MANEA: variants seen among roughly 807,000 people sequenced by gnomAD.
MANEA encodes mannosidase endo-alpha.
Under a neutral mutation model 36.8 loss-of-function variants are expected in MANEA, and 25 were observed. The observed-to-expected ratio is 0.68, with a 90% CI of 0.50 to 0.95. MANEA has a LOEUF of 0.95. Among genes scored for constraint, MANEA ranks in the 40% least tolerant of loss-of-function variants. The pLI, the probability that MANEA is intolerant of heterozygous loss-of-function variation, is 0.00. For missense variants in MANEA, 565 were observed against 558.8 expected (o/e 1.01, Z -0.11); for synonymous variants, 198 against 188.5 (o/e 1.05, Z -0.41).
At position 95,593,580 on chromosome 6, in the gene MANEA, G is replaced by A. The variant is rs539417270; in HGVS notation, c.545-3157G>A. Reference sequence around the variant, plus strand: ...TAAAACAGTAGATACATAGTCATATGTGGCTATTGAACACTTGAAACGTAG... The same window carrying A: ...TAAAACAGTAGATACATAGTCATATATGGCTATTGAACACTTGAAACGTAG... On this transcript the variant is annotated intron_variant, in intron 2 of 4. Coordinates refer to ENST00000358812, the MANE Select transcript of MANEA (RefSeq NM_024641.4). 3.6e-4 allele frequency among the ~76,000 whole-genome samples: 55 copies of A among 152,324 alleles called. No individual in the cohort carries two copies. The South Asian group carries it at 0.01, about 28-fold the overall frequency.
rs1177647370 is a variant in MANEA, at chr6:95,609,187, A to G, written c.*2782A>G. 6.6e-6 allele frequency: 1 copy of G among 151,732 alleles called. No individual in the cohort carries two copies. Among genetic ancestry groups the G allele is most frequent in the African/African-American group, 2.4e-5 (1 of 41,394 alleles). 9.4% of individuals were successfully genotyped at this position (151,732 alleles called of 1,614,324 possible). Reference sequence around the variant, plus strand: ...TCAATATGGTATAACTTAAAGTGGTATAATACATACAATGCATGAATCATA... The same window carrying G: ...TCAATATGGTATAACTTAAAGTGGTGTAATACATACAATGCATGAATCATA... On this transcript the variant is annotated 3_prime_UTR_variant, in exon 5 of 5. Transcript: ENST00000358812.
intron 3 of MANEA, among the ~76,000 whole-genome samples, chr6:95,602,604 TAAG>T (rs1483387272): frequency 3.9e-5 from 6 of 152,328 alleles, no homozygotes; most frequent in East Asian, 3.9e-4. Flanking sequence ...TCTTTAAAGA[TAAG>T]AAAGACATTT....
chr6:95,586,968 C>T lies in MANEA; in HGVS notation c.529C>T (p.Arg177Cys), dbSNP rs62619206. 0.046 allele frequency: 74,061 copies of T among 1,597,102 alleles called. 1,995 individuals are homozygous for T. Among genetic ancestry groups the T allele is most frequent in the African/African-American group, 0.067 (4,998 of 74,144 alleles). Residue 177 changes from arginine to cysteine, a missense_variant, in exon 2 of 5, where the codon CGC (arginine) becomes TGC (cysteine). Physicochemically the swap from Arg to Cys is radical, Grantham distance 180. Coordinates refer to ENST00000358812, the MANE Select transcript of MANEA (RefSeq NM_024641.4). ...CATAGAAACTCACATGAGACAAATGCGCTCAGCTTCAATTGGTAATTATTG... is the reference window on the plus strand; with the variant it reads ...CATAGAAACTCACATGAGACAAATGTGCTCAGCTTCAATTGGTAATTATTG... ...SVIETHMRQM[R>C]SASIGVLALS...
chr6:95,600,447 A>G (rs1358688534), intron 3 of MANEA, among the ~76,000 whole-genome samples: 1 of 152,190 alleles, frequency 6.6e-6, no homozygotes, highest in African/African-American at 2.4e-5. Context: ...TGAAACCATA[A>G]GATAGTTTTA....
At chr6:95,581,104 G>A (rs1462325247) in intron 1 of MANEA, among the ~76,000 whole-genome samples, 1 of 152,154 alleles carries the variant, frequency 6.6e-6, no homozygotes, top group East Asian at 1.9e-4. Context: ...AACTCAGAAA[G>A]ATCAGGTCAG....
intron 3 of MANEA, among the ~76,000 whole-genome samples, chr6:95,598,957 A>G (rs1173935128): frequency 2.0e-5 from 3 of 152,172 alleles, no homozygotes; most frequent in South Asian, 2.1e-4. Flanking sequence ...ACCACCTTGT[A>G]GCTTTATAAA....
At position 95,606,614 on chromosome 6, in the gene MANEA, A is replaced by G. The variant is rs181498694; in HGVS notation, c.*209A>G. On this transcript the variant is annotated 3_prime_UTR_variant, in exon 5 of 5. Transcript: ENST00000358812. ...TATCTGAGACAAAATGTATACAAAT[A>G]TATTCCTTATGGCATAATTTATTGC... The G allele has an allele frequency of 2.6e-4, 74 of 284,080 alleles. No individual in the cohort carries two copies. Among genetic ancestry groups the G allele is most frequent in the African/African-American group, 1.5e-3 (68 of 45,762 alleles). 17.6% of individuals were successfully genotyped at this position (284,080 alleles called of 1,614,324 possible). A position where few individuals can be genotyped will look rare whatever the true frequency, so the allele number is the denominator to read the frequency against.
At chr6:95,593,072 A>G (rs1769413284) in intron 2 of MANEA, among the ~76,000 whole-genome samples, 2 of 152,194 alleles carry the variant, frequency 1.3e-5, no homozygotes, top group Non-Finnish European at 1.5e-5. Flanking sequence ...GAGTTTGCTA[A>G]GCAATTAGGA....
intron 3 of MANEA, among the ~76,000 whole-genome samples, chr6:95,598,114 A>G (rs1769514560): frequency 6.6e-6 from 1 of 152,168 alleles, no homozygotes; most frequent in South Asian, 2.1e-4. Context: ...CGTATAAAAG[A>G]TAATTGAACA....
At chr6:95,603,553 T>A (rs4467786) in intron 3 of MANEA, among the ~76,000 whole-genome samples, 66,248 of 151,738 alleles carry the variant, frequency 0.44, 14,782 homozygotes, top group Middle Eastern at 0.57. Flanking sequence ...ATATTTTTTT[T>A]AAATATTATT....
At chr6:95,595,732 A>G (rs2127942565) in intron 2 of MANEA, among the ~76,000 whole-genome samples, 1 of 152,254 alleles carries the variant, frequency 6.6e-6, no homozygotes, top group South Asian at 2.1e-4. Context: ...GAATTAATTC[A>G]TCTTAAATAT....
In MANEA at chr6:95,596,741, A is replaced by G. The variant is rs200130177; in HGVS notation, c.549A>G (p.Val183=). 1 of 1,559,460 alleles carries G rather than the reference A, an allele frequency of 6.4e-7. No homozygotes were observed. The highest frequency in any genetic ancestry group is 2.2e-5 in the East Asian group (1 of 44,448). ...MRQMRSASIG[V]LALSWYPPDV... is the part of the protein sequence containing the mutation. ...CTTTTTGGTCTTTTCTATTAGGTGTACTAGCCCTCTCTTGGTACCCACCTG... is the reference window on the plus strand; with the variant it reads ...CTTTTTGGTCTTTTCTATTAGGTGTGCTAGCCCTCTCTTGGTACCCACCTG... Residue 183 remains valine (V), a synonymous_variant, in exon 3 of 5, where the codon GTA becomes GTG. Transcript: ENST00000358812.
At position 95,607,372 on chromosome 6, in the gene MANEA, A is replaced by T. The variant is rs1429883163; in HGVS notation, c.*967A>T. 1.3e-5 allele frequency: 2 copies of T among 152,184 alleles called. No individual in the cohort carries two copies. The highest frequency in any genetic ancestry group is 3.9e-4 in the East Asian group (2 of 5,186). The allele number at this position is 152,184 out of a possible 1,614,324, so 9.4% of individuals were successfully genotyped here. ...ATATTTTTTAGGAAAGAAAAATGTT[A>T]TTACTGTCATTAGGTTGTCTTTTAA... On this transcript the variant is annotated 3_prime_UTR_variant, in exon 5 of 5. Coordinates refer to ENST00000358812, the MANE Select transcript of MANEA (RefSeq NM_024641.4).
At chr6:95,595,807 A>T (rs1183632313) in intron 2 of MANEA, among the ~76,000 whole-genome samples, 1 of 152,128 alleles carries the variant, frequency 6.6e-6, no homozygotes, top group African/African-American at 2.4e-5. Context: ...CAGTTCAAAA[A>T]TAAGTAGGCA....
chr6:95,605,962 G>A lies in MANEA; in HGVS notation c.946G>A (p.Gly316Ser). 1.2e-6 allele frequency: 2 copies of A among 1,613,758 alleles called. No individual in the cohort carries two copies. Among genetic ancestry groups the A allele is most frequent in the Non-Finnish European group, 8.5e-7 (1 of 1,179,864 alleles). ...EKHKYDILQSGFDGIYTYFAT... is the reference protein window; with the variant it reads ...EKHKYDILQSSFDGIYTYFAT... ...ACATAAGTATGATATTCTTCAAAGT[G>A]GTTTTGATGGAATTTACACATATTT... is the stretch of plus-strand genomic sequence containing the variant. Residue 316 changes from glycine to serine, a missense_variant, in exon 5 of 5, where the codon GGT becomes AGT. Coordinates refer to ENST00000358812, the MANE Select transcript of MANEA (RefSeq NM_024641.4).
rs1326746076 is a variant in MANEA at position 95,586,792 on chromosome 6, GTAAA to G, written c.356_359del (p.Lys119IlefsTer9). 2.5e-6 allele frequency: 4 copies of G among 1,613,794 alleles called. No homozygotes were observed. Among genetic ancestry groups the G allele is most frequent in the Non-Finnish European group, 3.4e-6 (4 of 1,179,804 alleles). On this transcript the variant is annotated frameshift_variant, in exon 2 of 5. Coordinates refer to ENST00000358812, the MANE Select transcript of MANEA (RefSeq NM_024641.4). LOFTEE classifies it high-confidence loss of function. ...TGGTATGGAAATCCACAATTTGATG[GTAAA>G]TATATACATTGGAATCATCCAGTGT... is the stretch of plus-strand genomic sequence containing the variant.
intron 2 of MANEA, chr6:95,588,307 A>T (rs947605994): frequency 4.6e-5 from 7 of 152,096 alleles, no homozygotes; most frequent in African/African-American, 1.4e-4. Context: ...GAAACACAAG[A>T]GTCTTTGATG....
intron 1 of MANEA, among the ~76,000 whole-genome samples, 187 bp downstream of exon 1, chr6:95,577,825 C>A (rs1325500410): frequency 6.6e-6 from 1 of 152,210 alleles, no homozygotes; most frequent in Non-Finnish European, 1.5e-5. Context: ...AGCCTGTAGC[C>A]CCCTCGATTA....
intron 2 of MANEA, among the ~76,000 whole-genome samples, chr6:95,588,430 A>C (rs547081208): frequency 6.6e-6 from 1 of 151,986 alleles, no homozygotes; most frequent in African/African-American, 2.4e-5. Context: ...TTTATAGTAT[A>C]GTTAGAGATT....
Sources: gnomAD v4.1 joint callset for allele counts (sites outside exome capture counted in the v4.1 genomes callset) on GRCh38, gnomAD v4.1.1 for gene constraint, MANE v1.5 for transcripts, NCBI Gene and HGNC (gene_info 2026-07-23, HGNC 2026-07-21) for gene names.